SEMA3A: variants seen among roughly 807,000 people sequenced by gnomAD.
SEMA3A encodes the protein semaphorin 3A.
SEMA3A carries 29 observed loss-of-function variants against 97.9 expected under a neutral mutation model. That is an observed-to-expected ratio of 0.30 (90% CI 0.22 to 0.40). The LOEUF (loss-of-function observed/expected upper bound fraction) is 0.40. Among genes scored for constraint, SEMA3A ranks in the 10% least tolerant of loss-of-function variants. SEMA3A has a pLI of 1.00. For synonymous variants in SEMA3A, 321 were observed against 323.7 expected, an observed-to-expected ratio of 0.99 and a Z score of 0.09; for missense variants, 763 against 951.3, an observed-to-expected ratio of 0.80 and a Z score of 2.60.
intron 1 of SEMA3A, among the ~76,000 whole-genome samples, chr7:84,404,263 C>T (rs1056389806): frequency 6.6e-5 from 10 of 151,962 alleles, no homozygotes; most frequent in Non-Finnish European, 1.0e-4. Context: ...GCCTCAGTAA[C>T]CAATGCAATC....
At chr7:84,127,242 A>G (rs1795827151) in intron 3 of SEMA3A, among the ~76,000 whole-genome samples, 1 of 152,012 alleles carries the variant, frequency 6.6e-6, no homozygotes, top group South Asian at 2.1e-4. Flanking sequence ...TTCTCCCACC[A>G]TTGATATGTG....
intron 6 of SEMA3A, among the ~76,000 whole-genome samples, chr7:84,026,266 A>G (rs1791539731): frequency 6.6e-6 from 1 of 152,150 alleles, no homozygotes; most frequent in African/African-American, 2.4e-5. Context: ...TTCAACCCTG[A>G]CTTTGAGGAG....
At chr7:84,384,620 A>C (rs751487162) in intron 1 of SEMA3A, among the ~76,000 whole-genome samples, 5 of 152,162 alleles carry the variant, frequency 3.3e-5, no homozygotes, top group Non-Finnish European at 7.4e-5. Flanking sequence ...TGCAGTACAC[A>C]GTGATTCAGG....
At chr7:84,408,315 G>C (rs1222719469) in intron 1 of SEMA3A, among the ~76,000 whole-genome samples, 92 of 152,138 alleles carry the variant, frequency 6.0e-4, no homozygotes, top group Non-Finnish European at 2.9e-5. Flanking sequence ...CTGGCCATCA[G>C]AGAAATGCAA....
At chr7:84,232,867 G>T (rs1318002229) in intron 3 of SEMA3A, among the ~76,000 whole-genome samples, 7 of 151,888 alleles carry the variant, frequency 4.6e-5, no homozygotes, top group Admixed American at 2.0e-4. Flanking sequence ...TCACCTCAAA[G>T]ATTCTTCCCA....
intron 1 of SEMA3A, among the ~76,000 whole-genome samples, chr7:84,485,124 T>C (rs1806543333): frequency 6.6e-6 from 1 of 152,204 alleles, no homozygotes; most frequent in Non-Finnish European, 1.5e-5. Context: ...ATGACCATAG[T>C]AGTTACTGCA....
chr7:84,137,251 A>C (rs1048079379), intron 1 of SEMA3A, among the ~76,000 whole-genome samples: 2 of 151,996 alleles, frequency 1.3e-5, no homozygotes, highest in African/African-American at 4.8e-5. Flanking sequence ...ATACAAAAAA[A>C]TAAGCTGGGC....
chr7:84,402,577 A>C (rs573090314), intron 1 of SEMA3A, among the ~76,000 whole-genome samples: 1 of 152,320 alleles, frequency 6.6e-6, no homozygotes, highest in South Asian at 2.1e-4. Context: ...TATAACCAAG[A>C]TACGGAATCG....
intron 2 of SEMA3A, chr7:84,371,713 T>G (rs750049815): frequency 5.9e-5 from 9 of 151,970 alleles, no homozygotes; most frequent in Non-Finnish European, 1.3e-4. Flanking sequence ...ACATTGGCTT[T>G]AAGAATATAA....
At chr7:84,299,190 G>A (rs1800936958) in intron 3 of SEMA3A, among the ~76,000 whole-genome samples, 1 of 151,496 alleles carries the variant, frequency 6.6e-6, no homozygotes, top group Non-Finnish European at 1.5e-5. Context: ...TTGTGATCCT[G>A]TGAGTCAATT....
At chr7:84,303,282 A>G (rs1452173753) in intron 3 of SEMA3A, among the ~76,000 whole-genome samples, 7 of 152,156 alleles carry the variant, frequency 4.6e-5, no homozygotes, top group Non-Finnish European at 1.5e-5. Context: ...CGGGTCACTA[A>G]GGTTGCTTGT....
intron 2 of SEMA3A, among the ~76,000 whole-genome samples, chr7:84,311,741 G>A (rs1224286109): frequency 6.6e-6 from 1 of 151,892 alleles, no homozygotes; most frequent in Non-Finnish European, 1.5e-5. Context: ...TTAACTAAAT[G>A]TCTATTAATT....
At chr7:84,431,023 G>T (rs1220755161) in intron 1 of SEMA3A, among the ~76,000 whole-genome samples, 1 of 151,876 alleles carries the variant, frequency 6.6e-6, no homozygotes, top group Non-Finnish European at 1.5e-5. Flanking sequence ...TTTTCAAGAA[G>T]TTTATGAAGC....
intron 3 of SEMA3A, among the ~76,000 whole-genome samples, chr7:84,252,675 G>A (rs1422222343): frequency 9.2e-5 from 14 of 151,918 alleles, no homozygotes; most frequent in Non-Finnish European, 1.0e-4. Context: ...AAAAGCTTCC[G>A]CTATATAGTG....
rs1391355865 is a variant in SEMA3A, at chr7:84,201,585, TGGA to T, written c.-82-6920_-82-6918del. On this transcript the variant is annotated intron_variant, in intron 3 of 3. Transcript: ENST00000424555. ...GGCTACAAAAGCAGCTGTCACCTTA[TGGA>T]GGAGATTAGAAAATGCCTTGTTTAT... Among the ~76,000 whole-genome samples, 4 of 152,090 alleles carry T rather than the reference TGGA, an allele frequency of 2.6e-5. No homozygotes were observed. The East Asian group carries it at 7.7e-4, about 29-fold the overall frequency.
chr7:83,985,866 A>AT (rs1461543491), intron 12 of SEMA3A, among the ~76,000 whole-genome samples: 9 of 152,208 alleles, frequency 5.9e-5, no homozygotes, highest in Admixed American at 5.2e-4. Flanking sequence ...GGATGTGGTC[A>AT]AAAAGCAGGG....
At chr7:84,309,499 G>A (rs1015932616) in intron 2 of SEMA3A, among the ~76,000 whole-genome samples, 6 of 152,134 alleles carry the variant, frequency 3.9e-5, no homozygotes, top group Admixed American at 6.5e-5. Flanking sequence ...AACTCTTGAT[G>A]ATGGACCTCT....
chr7:84,392,327 C>G lies in SEMA3A; in HGVS notation c.-245-20427G>C, dbSNP rs551292244. On this transcript the variant is annotated intron_variant, in intron 1 of 3. Transcript: ENST00000424555. ...TAAGTGAGAAACTTGTGATATTTGTCTTCTTGTTTGGCTTATTTCACTTAG... is the reference window on the plus strand; with the variant it reads ...TAAGTGAGAAACTTGTGATATTTGTGTTCTTGTTTGGCTTATTTCACTTAG... Among the ~76,000 whole-genome samples, 9 of 152,162 alleles carry G rather than the reference C, an allele frequency of 5.9e-5. No homozygotes were observed. In the South Asian group the frequency reaches 1.7e-3, roughly 28 times the overall value.
At chr7:84,395,512 G>T (rs899107470) in intron 1 of SEMA3A, among the ~76,000 whole-genome samples, 2 of 152,058 alleles carry the variant, frequency 1.3e-5, no homozygotes, top group Admixed American at 6.6e-5. Context: ...GTTTGGTTCT[G>T]TGTCCCCACC....
Sources: allele counts gnomAD v4.1 joint callset (sites outside exome capture counted in the v4.1 genomes callset), GRCh38; gene constraint gnomAD v4.1.1; transcripts MANE v1.5; gene names NCBI Gene and HGNC (gene_info 2026-07-23, HGNC 2026-07-21).